Variants in STAM2 observed in about 807,000 individuals in gnomAD.
STAM2 encodes signal transducing adapter molecule 2.
A neutral mutation model predicts 65.6 loss-of-function variants in STAM2; 51 were observed. That is an observed-to-expected ratio of 0.78 (90% CI 0.62 to 0.98). The LOEUF (loss-of-function observed/expected upper bound fraction) is 0.98. Ranked by LOEUF, STAM2 falls within the 50% of genes least tolerant of loss-of-function variation. STAM2 has a pLI of 0.00. For synonymous variants in STAM2, 198 were observed against 208.4 expected, an observed-to-expected ratio of 0.95 and a Z score of 0.43; for missense variants, 584 against 617.8, an observed-to-expected ratio of 0.95 and a Z score of 0.58.
At chr2:152,125,991 G>C in intron 12 of STAM2, 1 of 345,636 alleles carries the variant, frequency 2.9e-6, no homozygotes, top group Non-Finnish European at 5.1e-6. Context: ...CATATTTAAT[G>C]GTCTTTTCAT....
At chr2:152,137,725 GTTTT>G (rs767027647) in intron 7 of STAM2, among the ~76,000 whole-genome samples, 7 of 150,708 alleles carry the variant, frequency 4.6e-5, no homozygotes, top group Non-Finnish European at 8.9e-5. Context: ...TGTAGTTTTA[GTTTT>G]TTTATTTTTT....
chr2:152,154,253 GGCATATGTAA>G (rs1416435746), intron 1 of STAM2, among the ~76,000 whole-genome samples: 10 of 151,988 alleles, frequency 6.6e-5, no homozygotes, highest in Non-Finnish European at 1.5e-4. Context: ...TACACAGAAG[GGCATATGTAA>G]GACCAGTTAC....
chr2:152,133,837 T>C (rs1022329559), intron 8 of STAM2, among the ~76,000 whole-genome samples: 2 of 152,166 alleles, frequency 1.3e-5, no homozygotes, highest in African/African-American at 2.4e-5. Context: ...AACTGAGTGT[T>C]ACCACTGGGG....
At chr2:152,136,372 G>T (rs1040148819) in intron 7 of STAM2, among the ~76,000 whole-genome samples, 1 of 152,090 alleles carries the variant, frequency 6.6e-6, no homozygotes, top group Non-Finnish European at 1.5e-5. Flanking sequence ...GAACCAAGAA[G>T]GCAGAGGTTG....
intron 1 of STAM2, among the ~76,000 whole-genome samples, chr2:152,156,923 T>C (rs530322324): frequency 1.2e-4 from 18 of 152,226 alleles, no homozygotes; most frequent in African/African-American, 4.1e-4. Flanking sequence ...CTTGCGATCC[T>C]ACCAAAAACA....
chr2:152,145,554 C>A (rs976088899), intron 5 of STAM2, among the ~76,000 whole-genome samples: 3 of 152,198 alleles, frequency 2.0e-5, no homozygotes, highest in African/African-American at 7.2e-5. Flanking sequence ...AAAAAAGACT[C>A]TTTTCTGATT....
chr2:152,147,894 C>G, intron 4 of STAM2, 130 bp downstream of exon 4: 1 of 713,054 alleles, frequency 1.4e-6, no homozygotes, highest in Non-Finnish European at 2.3e-6. Flanking sequence ...AATTTCAGAA[C>G]AGTTTATTTC....
intron 10 of STAM2, among the ~76,000 whole-genome samples, chr2:152,132,793 T>C (rs1579314995): frequency 6.6e-6 from 1 of 152,110 alleles, no homozygotes; most frequent in Non-Finnish European, 1.5e-5. Flanking sequence ...GACTATGTTA[T>C]GAAGTTAACA....
chr2:152,163,473 G>A lies in STAM2; in HGVS notation c.40+12130C>T, dbSNP rs1216622182. Among the ~76,000 whole-genome samples the A allele has an allele frequency of 1.4e-4, 4 of 29,080 alleles. No homozygotes were observed. The Admixed American group carries it at 1.5e-3, about 11-fold the overall frequency. The allele number at this position is 29,080 out of a possible 152,430, so 19.1% of individuals were successfully genotyped here. ...ACTGTACAAATTGATTGTAAAAGACGTGTGTTTGAATAATAAATCTGATTG... is the reference window on the plus strand; with the variant it reads ...ACTGTACAAATTGATTGTAAAAGACATGTGTTTGAATAATAAATCTGATTG... On this transcript the variant is annotated intron_variant, in intron 1 of 13. Transcript: ENST00000263904.
At chr2:152,166,822 G>GT (rs1056018939) in intron 1 of STAM2, among the ~76,000 whole-genome samples, 1 of 152,108 alleles carries the variant, frequency 6.6e-6, no homozygotes, top group African/African-American at 2.4e-5. Flanking sequence ...ACAAATGAAA[G>GT]TAAAAGCTGC....
intron 13 of STAM2, among the ~76,000 whole-genome samples, chr2:152,121,435 T>C (rs558030415): frequency 3.9e-5 from 6 of 152,316 alleles, no homozygotes; most frequent in Middle Eastern, 3.4e-3. Context: ...AGAAGTACCC[T>C]TGGCCATTTG....
At position 152,132,176 on chromosome 2, in the gene STAM2, T is replaced by C. The variant is rs1048308354; in HGVS notation, c.971-8A>G. 5.6e-6 allele frequency: 9 copies of C among 1,600,986 alleles called. No individual in the cohort carries two copies. The Admixed American group carries it at 8.5e-5, about 15-fold the overall frequency. On this transcript the variant is annotated splice_polypyrimidine_tract_variant and splice_region_variant and intron_variant, in intron 10 of 13. Transcript: ENST00000263904. ...CCATCTGTTGGCAGATATCTGTAAA[T>C]ACAAAAATACTTACAAATATAGAAA... is the stretch of plus-strand genomic sequence containing the variant.
chr2:152,123,017 G>A (rs1362324610), intron 13 of STAM2, among the ~76,000 whole-genome samples: 1 of 151,880 alleles, frequency 6.6e-6, no homozygotes, highest in African/African-American at 2.4e-5. Flanking sequence ...ACTGTAGTGA[G>A]CTGAGATCAT....
chr2:152,126,827 G>A (rs917123740), intron 11 of STAM2, among the ~76,000 whole-genome samples: 1 of 152,154 alleles, frequency 6.6e-6, no homozygotes, highest in African/African-American at 2.4e-5. Flanking sequence ...AATGGTTGCT[G>A]TCCACAACCA....
At chr2:152,164,263 C>T (rs1689736810) in intron 1 of STAM2, among the ~76,000 whole-genome samples, 1 of 152,064 alleles carries the variant, frequency 6.6e-6, no homozygotes, top group Admixed American at 6.5e-5. Flanking sequence ...TAATACATAT[C>T]TTAAACACAC....
intron 1 of STAM2, among the ~76,000 whole-genome samples, chr2:152,155,614 C>T (rs1427845476): frequency 6.6e-6 from 1 of 152,178 alleles, no homozygotes; most frequent in Non-Finnish European, 1.5e-5. Flanking sequence ...ACTTTATATA[C>T]TAAGTCTGAA....
In STAM2 at chr2:152,150,206, T is replaced by C. The variant is rs766141877; in HGVS notation, c.64A>G (p.Thr22Ala). ...ATAATAAGACTCCAATCTTCTGTAG[T>C]GTTGTACTCATTCGTGGCTTTTTCT... is the stretch of plus-strand genomic sequence containing the variant. ...DVEKATNEYN[T>A]TEDWSLIMDI... Residue 22 changes from threonine to alanine, a missense_variant, in exon 2 of 14, where the codon ACT becomes GCT. Physicochemically the swap from Thr to Ala is moderately conservative, Grantham distance 58. Coordinates refer to ENST00000263904, the MANE Select transcript of STAM2 (RefSeq NM_005843.6). The C allele has an allele frequency of 7.4e-6, 12 of 1,613,336 alleles. No homozygotes were observed. Among genetic ancestry groups the C allele is most frequent in the Non-Finnish European group, 1.0e-5 (12 of 1,179,546 alleles).
chr2:152,146,411 C>G (rs1689338436), intron 5 of STAM2, among the ~76,000 whole-genome samples: 1 of 151,968 alleles, frequency 6.6e-6, no homozygotes, highest in South Asian at 2.1e-4. Context: ...GAGCAAAACC[C>G]AAGGAATAGT....
chr2:152,151,088 T>A (rs889373005), intron 1 of STAM2, among the ~76,000 whole-genome samples: 10 of 151,950 alleles, frequency 6.6e-5, no homozygotes, highest in African/African-American at 2.4e-4. Context: ...TGAACAAAAA[T>A]TTATGAATCT....
Sources: allele counts gnomAD v4.1 joint callset (sites outside exome capture counted in the v4.1 genomes callset), GRCh38; gene constraint gnomAD v4.1.1; transcripts MANE v1.5; gene names NCBI Gene and HGNC (gene_info 2026-07-23, HGNC 2026-07-21).